The following SERPINA9 variants were observed in gnomAD, a reference collection of about 807,000 sequenced individuals.
SERPINA9 encodes the protein serpin A9.
In SERPINA9, 32 loss-of-function variants were observed where a neutral mutation model predicts 24.5. The ratio of observed to expected loss-of-function variants is 1.30; its 90% CI spans 0.98 to 1.75. The LOEUF (loss-of-function observed/expected upper bound fraction) is 1.75, where lower values mean the gene tolerates loss of function less well. SERPINA9 is among the 40% of genes most tolerant of loss of function. The probability of loss-of-function intolerance (pLI) is 0.00; values close to 1 mark genes in which losing one functional copy is unlikely to be tolerated. For missense variants in SERPINA9, 594 were observed against 497.1 expected (o/e 1.19, Z -1.85); for synonymous variants, 233 against 197.7 (o/e 1.18, Z -1.50).
intron 2 of SERPINA9, among the ~76,000 whole-genome samples, chr14:94,468,362 A>G (rs1440060709): frequency 6.6e-6 from 1 of 152,128 alleles, no homozygotes; most frequent in African/African-American, 2.4e-5. Context: ...AAATGAGTGA[A>G]CATGTGGATG....
rs1566789637 is a variant in SERPINA9 at position 94,464,281 on chromosome 14, C to CTG, written c.1050+425_1050+426insCA. ...TATGCTTTAAAACTCCTCTCTCTCT[C>CTG]TCTCTCTCTCTCTCTCTCTCTCTCT... On this transcript the variant is annotated intron_variant, in intron 4 of 4. Coordinates refer to ENST00000674397, the MANE Select transcript of SERPINA9 (RefSeq NM_175739.4). 3.6e-3 allele frequency: 662 copies of CTG among 185,730 alleles called. 7 individuals carry two copies. Among genetic ancestry groups the CTG allele is most frequent in the African/African-American group, 0.016 (630 of 38,918 alleles). 11.5% of individuals were successfully genotyped at this position (185,730 alleles called of 1,614,324 possible).
In SERPINA9 at chr14:94,466,679, A is replaced by C. The variant is rs535152969; in HGVS notation, c.902+430T>G. ...TAGGAATTCTTCTAAGCACTTTGTA[A>C]GTAGCAGGTTACTTTACCTTTTCAC... On this transcript the variant is annotated intron_variant, in intron 3 of 4. Coordinates refer to ENST00000674397, the MANE Select transcript of SERPINA9 (RefSeq NM_175739.4). 7.2e-5 allele frequency among the ~76,000 whole-genome samples: 11 copies of C among 152,312 alleles called. No individual in the cohort carries two copies. The East Asian group carries it at 2.1e-3, about 29-fold the overall frequency.
chr14:94,469,132 T>C, intron 2 of SERPINA9, 81 bp downstream of exon 2: 1 of 1,322,006 alleles, frequency 7.6e-7, no homozygotes, highest in Admixed American at 2.1e-5. Flanking sequence ...AGGGTTTGTC[T>C]GGCTTGTGTA....
chr14:94,462,846 A>G lies in SERPINA9; in HGVS notation c.*247T>C. ...CCAAGGAATGGAAATATGGTAACCC[A>G]GCAACATCCCATGAAGCTAGTTACC... On this transcript the variant is annotated 3_prime_UTR_variant, in exon 5 of 5. Coordinates refer to ENST00000674397, the MANE Select transcript of SERPINA9 (RefSeq NM_175739.4). 2.0e-6 allele frequency: 1 copy of G among 493,432 alleles called. No homozygotes were observed. The highest frequency in any genetic ancestry group is 3.7e-6 in the Non-Finnish European group (1 of 270,742). 30.6% of individuals were successfully genotyped at this position (493,432 alleles called of 1,614,324 possible). A position where few individuals can be genotyped will look rare whatever the true frequency, so the allele number is the denominator to read the frequency against.
In SERPINA9 at chr14:94,467,736, T is replaced by C. The variant is rs112613989; in HGVS notation, c.629-354A>G. Among the ~76,000 whole-genome samples, 38 of 152,276 alleles carry C rather than the reference T, an allele frequency of 2.5e-4. 1 individual carries two copies. Among genetic ancestry groups the C allele is most frequent in the African/African-American group, 8.7e-4 (36 of 41,570 alleles). On this transcript the variant is annotated intron_variant, in intron 2 of 4. Transcript: ENST00000674397. Reference sequence around the variant, plus strand: ...ATAAATGGGTGGATAGCCTGGCAGATGGAGGGTGGATGGATAGATGAATAG... The same window carrying C: ...ATAAATGGGTGGATAGCCTGGCAGACGGAGGGTGGATGGATAGATGAATAG...
chr14:94,467,325 ACC>A lies in SERPINA9; in HGVS notation c.684_685del (p.Val229GlyfsTer46). On this transcript the variant is annotated frameshift_variant, in exon 3 of 5. Coordinates refer to ENST00000674397, the MANE Select transcript of SERPINA9 (RefSeq NM_175739.4). LOFTEE classifies it high-confidence loss of function. Reference sequence around the variant, plus strand: ...GACATGCACAGTGACCTGCTCGCCCACCAGGAATGGGAAGTTCTTTCTTGTAT... The same window carrying A: ...GACATGCACAGTGACCTGCTCGCCCAAGGAATGGGAAGTTCTTTCTTGTAT... The A allele has an allele frequency of 6.2e-7, 1 of 1,614,020 alleles. No homozygotes were observed.
At position 94,464,301 on chromosome 14, in the gene SERPINA9, CTCTCT is replaced by C. The variant is rs532833943; in HGVS notation, c.1050+401_1050+405del. ...TCTCTCTCTCTCTCTCTCTCTCTCT[CTCTCT>C]CTCTCTCTCTCTCCTTACACACTGA... On this transcript the variant is annotated intron_variant, in intron 4 of 4. Coordinates refer to ENST00000674397, the MANE Select transcript of SERPINA9 (RefSeq NM_175739.4). 197 of 194,826 alleles carry C rather than the reference CTCTCT, an allele frequency of 1.0e-3. 1 individual carries two copies. The highest frequency in any genetic ancestry group is 1.6e-3 in the Non-Finnish European group (161 of 97,656). 12.1% of individuals were successfully genotyped at this position (194,826 alleles called of 1,614,324 possible).
intron 3 of SERPINA9, among the ~76,000 whole-genome samples, chr14:94,466,083 G>A (rs537556510): frequency 6.6e-6 from 1 of 152,178 alleles, no homozygotes; most frequent in Non-Finnish European, 1.5e-5. Flanking sequence ...CTGCTGCTCT[G>A]TACTCTGTCC....
Position 94,463,242 on chromosome 14 carries a change from C to T in SERPINA9, c.1105G>A (p.Ala369Thr). 6.2e-7 allele frequency: 1 copy of T among 1,614,220 alleles called. No homozygotes were observed. The highest frequency in any genetic ancestry group is 8.5e-7 in the Non-Finnish European group (1 of 1,180,042). The stretch of plus-strand genomic sequence containing the variant: ...CGGACTATGAACTTGGTGGTGGTAG[C>T]TGCTGTGGCCTCAGTGCCCTCTTCA... Reference protein sequence around the residue: ...VSEEGTEATAATTTKFIVRSK... With the variant: ...VSEEGTEATATTTTKFIVRSK... Residue 369 changes from alanine (A) to threonine (T), a missense_variant, in exon 5 of 5, where the codon GCT (alanine) becomes ACT (threonine). Transcript: ENST00000674397.
At chr14:94,463,457 G>A (rs1595661744) in intron 4 of SERPINA9, among the ~76,000 whole-genome samples, 161 bp from the exon 5 acceptor site, 2 of 152,192 alleles carry the variant, frequency 1.3e-5, no homozygotes, top group East Asian at 3.9e-4. Flanking sequence ...ATTGCAGTGG[G>A]TGTTGACTAT....
intron 4 of SERPINA9, 113 bp downstream of exon 4, chr14:94,464,594 C>A (rs1488133859): frequency 3.3e-6 from 3 of 903,354 alleles, no homozygotes; most frequent in Non-Finnish European, 5.1e-6. Context: ...CGCAGAAGAC[C>A]CTGACTTCAC....
At chr14:94,463,376 G>T (rs1420071579) in intron 4 of SERPINA9, 80 bp from the exon 5 acceptor site, 3 of 1,260,404 alleles carry the variant, frequency 2.4e-6, no homozygotes, top group Non-Finnish European at 3.4e-6. Context: ...GAGTGCTTTT[G>T]CCCTGGAATG....
chr14:94,469,527 G>A lies in SERPINA9; in HGVS notation c.314C>T (p.Thr105Ile). The A allele has an allele frequency of 6.8e-6, 11 of 1,614,148 alleles. No homozygotes were observed. Among genetic ancestry groups the A allele is most frequent in the African/African-American group, 1.3e-5 (1 of 75,044 alleles). ...GCCCTGGTGGATGGCAGACTCTGGT[G>A]TGTGTGTGAGGTTGAAGCCCAGGCC... ...LQGLGFNLTH[T>I]PESAIHQGFQ... The change falls in exon 2 of 5, where the codon ACA becomes ATA. Residue 105 changes from threonine to isoleucine, a missense_variant. Transcript: ENST00000674397.
chr14:94,469,837 C>A lies in SERPINA9; in HGVS notation c.4G>T (p.Ala2Ser), dbSNP rs1264137829. Residue 2 changes from alanine to serine, a missense_variant, in exon 2 of 5, where the codon GCA (alanine) becomes TCA (serine). Coordinates refer to ENST00000674397, the MANE Select transcript of SERPINA9 (RefSeq NM_175739.4). ...AAGAGTACTCCATAAAGGTAAGATG[C>A]CATTTTGGAACAAAATATGTCTGCA... M[A>S]SYLYGVLFAV... 1.3e-6 allele frequency: 2 copies of A among 1,506,816 alleles called. No homozygotes were observed. The highest frequency in any genetic ancestry group is 1.4e-5 in the South Asian group (1 of 71,794). 93.3% of individuals were successfully genotyped at this position (1,506,816 alleles called of 1,614,324 possible).
In SERPINA9 at chr14:94,469,334, G is replaced by A. The variant is rs377556875; in HGVS notation, c.507C>T (p.Ser169=). The change falls in exon 2 of 5, where the codon TCC becomes TCT. Residue 169 remains serine, a synonymous_variant. Transcript: ENST00000674397. Reference sequence around the variant, plus strand: ...GGCTGTTGATCCTCGCCTGGGCAATGGAGGGGTTGGAGAAATCTGTAGAAA... The same window carrying A: ...GGCTGTTGATCCTCGCCTGGGCAATAGAGGGGTTGGAGAAATCTGTAGAAA... ...EVFSTDFSNP[S]IAQARINSHV... is the part of the protein sequence containing the mutation. 18 of 1,614,064 alleles carry A rather than the reference G, an allele frequency of 1.1e-5. No individual in the cohort carries two copies. The African/African-American group carries it at 2.1e-4, about 19-fold the overall frequency.
chr14:94,470,338 A>G (rs1462194841), intron 1 of SERPINA9, among the ~76,000 whole-genome samples: 3 of 152,080 alleles, frequency 2.0e-5, no homozygotes, highest in African/African-American at 4.8e-5. Context: ...AGACACAGGC[A>G]TTTTACTAAT....
intron 1 of SERPINA9, among the ~76,000 whole-genome samples, chr14:94,474,737 A>C (rs8006332): frequency 6.6e-6 from 1 of 151,624 alleles, no homozygotes; most frequent in Non-Finnish European, 1.5e-5. Context: ...TGACAGGGAC[A>C]CTCTGCCGTC....
intron 1 of SERPINA9, among the ~76,000 whole-genome samples, chr14:94,474,215 C>T (rs1403599458): frequency 1.3e-5 from 2 of 152,178 alleles, no homozygotes; most frequent in Non-Finnish European, 2.9e-5. Context: ...GGGCAGGTGG[C>T]TCTCAGGGGG....
At chr14:94,464,664 C>A (rs764742015) in intron 4 of SERPINA9, 43 bp downstream of exon 4, 1 of 1,521,354 alleles carries the variant, frequency 6.6e-7, no homozygotes, top group Non-Finnish European at 9.0e-7. Flanking sequence ...TCTGCAGGTG[C>A]TTCCAGCTTG....
Sources: allele counts gnomAD v4.1 joint callset (sites outside exome capture counted in the v4.1 genomes callset), GRCh38; gene constraint gnomAD v4.1.1; transcripts MANE v1.5; gene names NCBI Gene and HGNC (gene_info 2026-07-23, HGNC 2026-07-21).